IL2RB: variants seen among roughly 807,000 people sequenced by gnomAD.
IL2RB encodes interleukin-2 receptor subunit beta.
IL2RB carries 17 observed loss-of-function variants against 44.2 expected under a neutral mutation model. That is an observed-to-expected ratio of 0.38 (90% CI 0.26 to 0.58). The LOEUF (loss-of-function observed/expected upper bound fraction) is 0.58. Ranked by LOEUF, IL2RB falls within the 20% of genes least tolerant of loss-of-function variation. The pLI, the probability that IL2RB is intolerant of heterozygous loss-of-function variation, is 0.63. For missense variants in IL2RB, 624 were observed against 685.5 expected (o/e 0.91, Z 1.00); for synonymous variants, 286 against 297.9 (o/e 0.96, Z 0.41).
At chr22:37,132,686 T>TC (rs1921494565) in intron 8 of IL2RB, among the ~76,000 whole-genome samples, 2 of 152,188 alleles carry the variant, frequency 1.3e-5, no homozygotes, top group South Asian at 2.1e-4. Flanking sequence ...CTCAAGGAGC[T>TC]GACATTCTCA....
upstream of IL2RB, among the ~76,000 whole-genome samples, chr22:37,151,762 T>A (rs1029082371): frequency 5.3e-5 from 8 of 152,224 alleles, no homozygotes; most frequent in Non-Finnish European, 1.2e-4. Flanking sequence ...AGGGTCTAGT[T>A]TCATTCTTCT....
intron 1 of IL2RB, among the ~76,000 whole-genome samples, chr22:37,173,538 T>C (rs1923356604): frequency 6.6e-6 from 1 of 152,256 alleles, no homozygotes; most frequent in Non-Finnish European, 1.5e-5. Flanking sequence ...AAATAATTTT[T>C]AACATTTATA....
chr22:37,151,108 A>G (rs560877064), upstream of IL2RB, among the ~76,000 whole-genome samples: 4 of 152,284 alleles, frequency 2.6e-5, no homozygotes, highest in African/African-American at 7.2e-5. Flanking sequence ...GGATTGCTGG[A>G]TCATATAGTA....
Position 37,144,124 on chromosome 22 carries a change from GGAGGAGGAT to G in IL2RB, c.40_48del (p.Ile14_Leu16del). The G allele has an allele frequency of 6.4e-7, 1 of 1,552,512 alleles. No homozygotes were observed. Among genetic ancestry groups the G allele is most frequent in the Non-Finnish European group, 8.7e-7 (1 of 1,147,300 alleles). ...GATGCCCAAGAGGTAGCCAGGGGCA[GGAGGAGGAT>G]GAGGAGGGGCAGACGCCAGGACAGA... is the stretch of plus-strand genomic sequence containing the variant. On this transcript the variant is annotated inframe_deletion, in exon 2 of 10. Coordinates refer to ENST00000216223, the MANE Select transcript of IL2RB (RefSeq NM_000878.5).
chr22:37,163,663 C>A (rs372081302), intron 1 of IL2RB, among the ~76,000 whole-genome samples: 1 of 151,376 alleles, frequency 6.6e-6, no homozygotes, highest in East Asian at 1.9e-4. Flanking sequence ...ATGCCTTATA[C>A]CCCCGCCCTG....
Position 37,144,206 on chromosome 22 carries a change from C to A in IL2RB, c.-33-1G>T, listed in dbSNP as rs1438107607. ...CAGGGTGGAGCCGAGGAAGGAAGCC[C>A]TGGTGGGAGAGGAGAAAGAGAGAGC... is the stretch of plus-strand genomic sequence containing the variant. On this transcript the variant is annotated splice_acceptor_variant, in intron 1 of 9. Coordinates refer to ENST00000216223, the MANE Select transcript of IL2RB (RefSeq NM_000878.5). LOFTEE classifies it low-confidence loss of function (5UTR_SPLICE). The A allele has an allele frequency of 6.5e-7, 1 of 1,544,060 alleles. No individual in the cohort carries two copies. The highest frequency in any genetic ancestry group is 8.7e-7 in the Non-Finnish European group (1 of 1,143,570).
At chr22:37,173,843 C>G (rs755913501) in intron 1 of IL2RB, among the ~76,000 whole-genome samples, 2 of 152,216 alleles carry the variant, frequency 1.3e-5, no homozygotes, top group African/African-American at 2.4e-5. Flanking sequence ...GCAGAGCCAA[C>G]TATTGCTAAA....
Position 37,137,396 on chromosome 22 carries a change from G to A in IL2RB, c.537+191C>T, listed in dbSNP as rs537405013. 1.3e-5 allele frequency among the ~76,000 whole-genome samples: 2 copies of A among 152,310 alleles called. 1 individual carries two copies. The highest frequency in any genetic ancestry group is 4.1e-4 in the South Asian group (2 of 4,826). ...GAACCTGCTGCCAGCTGGATCCCCA[G>A]GATTAAGGGGGCTAGATAAGGACGT... On this transcript the variant is annotated intron_variant, in intron 6 of 9. Coordinates refer to ENST00000216223, the MANE Select transcript of IL2RB (RefSeq NM_000878.5).
chr22:37,143,791 G>A (rs1255139469), intron 2 of IL2RB, among the ~76,000 whole-genome samples, 156 bp from the exon 3 acceptor site: 3 of 152,166 alleles, frequency 2.0e-5, no homozygotes, highest in Admixed American at 2.0e-4. Flanking sequence ...ACTTCAGAGA[G>A]GAGGAAATGG....
Position 37,127,558 on chromosome 22 carries a change from G to A in IL2RB, c.*538C>T, listed in dbSNP as rs536909831. ...GAAGGGGATGTCCCCACACGACACC[G>A]GAGGTACAAGTACCAGGCTGAGAAG... On this transcript the variant is annotated 3_prime_UTR_variant, in exon 10 of 10. Coordinates refer to ENST00000216223, the MANE Select transcript of IL2RB (RefSeq NM_000878.5). The A allele has an allele frequency of 2.9e-4, 44 of 152,536 alleles. No individual in the cohort carries two copies. Among genetic ancestry groups the A allele is most frequent in the Non-Finnish European group, 5.0e-4 (34 of 68,188 alleles). 9.4% of individuals were successfully genotyped at this position (152,536 alleles called of 1,614,324 possible).
intron 3 of IL2RB, 88 bp from the exon 4 acceptor site, chr22:37,142,600 G>A (rs537139594): frequency 7.3e-7 from 1 of 1,369,680 alleles, no homozygotes; most frequent in African/African-American, 1.4e-5. Flanking sequence ...TCTGCTGCCA[G>A]GATGGCACCA....
At chr22:37,132,507 G>T (rs775613030) in intron 8 of IL2RB, 39 bp from the exon 9 acceptor site, 3 of 1,513,332 alleles carry the variant, frequency 2.0e-6, no homozygotes, top group South Asian at 2.3e-5. Context: ...GGGTGAGAAA[G>T]GGAAGGACCG....
At chr22:37,153,275 G>A (rs562033305), upstream of IL2RB, among the ~76,000 whole-genome samples, 7 of 151,616 alleles carry the variant, frequency 4.6e-5, no homozygotes, top group South Asian at 2.1e-4. Flanking sequence ...GAGCAGAGAC[G>A]GCAGCTCTGC....
intron 1 of IL2RB, among the ~76,000 whole-genome samples, chr22:37,163,767 G>C (rs187468821): frequency 6.6e-6 from 1 of 152,374 alleles, no homozygotes; most frequent in East Asian, 1.9e-4. Flanking sequence ...ATGGGCTTGA[G>C]CCTGTGACCT....
In IL2RB at chr22:37,128,597, G is replaced by C; in HGVS notation, c.1155C>G (p.Asp385Glu). 1 of 1,614,120 alleles carries C rather than the reference G, an allele frequency of 6.2e-7. No homozygotes were observed. Residue 385 changes from aspartate to glutamate, a missense_variant, in exon 10 of 10, where the codon GAC (aspartate) becomes GAG (glutamate). By Grantham distance (45) the Asp-to-Glu change is conservative. Coordinates refer to ENST00000216223, the MANE Select transcript of IL2RB (RefSeq NM_000878.5). The surrounding 1 kb of genome is among the most constrained non-coding windows in gnomAD (Gnocchi z 4.5). ...IEACQVYFTYDPYSEEDPDEG... is the reference protein window; with the variant it reads ...IEACQVYFTYEPYSEEDPDEG... ...CATCAGGGTCTTCCTCTGAGTAGGG[G>C]TCGTAAGTAAAGTACACCTGGCAGG...
intron 1 of IL2RB, among the ~76,000 whole-genome samples, chr22:37,170,836 T>G (rs1018284347): frequency 6.6e-6 from 1 of 152,144 alleles, no homozygotes; most frequent in African/African-American, 2.4e-5. Context: ...ATGAAGCAAA[T>G]CCAAAGAAAT....
rs3218319 is a variant in IL2RB at position 37,132,530 on chromosome 22, A to G, written c.819-62T>C. 14,357 of 1,256,236 alleles carry G rather than the reference A, an allele frequency of 0.011. 1,218 individuals carry two copies. The African/African-American group carries it at 0.19, about 16-fold the overall frequency. 77.8% of individuals were successfully genotyped at this position (1,256,236 alleles called of 1,614,324 possible). Reference sequence around the variant, plus strand: ...AAGGGAAGGACCGCGGTGTTATGCCATCGGCACCACAGCTCTGGATGCCAG... The same window carrying G: ...AAGGGAAGGACCGCGGTGTTATGCCGTCGGCACCACAGCTCTGGATGCCAG... On this transcript the variant is annotated intron_variant, in intron 8 of 9. Transcript: ENST00000216223.
At chr22:37,147,679 G>A (rs1016205367) in intron 1 of IL2RB, among the ~76,000 whole-genome samples, 1 of 152,200 alleles carries the variant, frequency 6.6e-6, no homozygotes, top group Non-Finnish European at 1.5e-5. Context: ...CAGAGGTAAG[G>A]CTGCCACCCT....
At chr22:37,129,674 C>A (rs1271531119) in intron 9 of IL2RB, among the ~76,000 whole-genome samples, 3 of 152,234 alleles carry the variant, frequency 2.0e-5, no homozygotes, top group Non-Finnish European at 4.4e-5. Flanking sequence ...TCCTTGCTGT[C>A]ACCCATCAGG....
Sources: gnomAD v4.1 joint callset for allele counts (sites outside exome capture counted in the v4.1 genomes callset) on GRCh38, gnomAD v4.1.1 for gene constraint, Gnocchi (gnomAD v3.1) non-coding constraint, MANE v1.5 for transcripts, NCBI Gene and HGNC (gene_info 2026-07-23, HGNC 2026-07-21) for gene names.